IQCH: variants seen among roughly 807,000 people sequenced by gnomAD.
IQCH encodes IQ motif containing H.
Under a neutral mutation model 117.0 loss-of-function variants are expected in IQCH, and 98 were observed. The ratio of observed to expected loss-of-function variants is 0.84; its 90% confidence interval spans 0.71 to 0.99. The LOEUF (loss-of-function observed/expected upper bound fraction) is 0.99, where lower values mean the gene tolerates loss of function less well. Among genes scored for constraint, IQCH ranks in the 50% least tolerant of loss-of-function variants. The pLI is 0.00. For synonymous variants in IQCH, 412 were observed against 448.2 expected (o/e 0.92, Z 1.02); for missense variants, 1,102 against 1,243.8 (o/e 0.89, Z 1.72).
intron 8 of IQCH, among the ~76,000 whole-genome samples, chr15:67,363,610 A>T (rs1223511450): frequency 6.6e-6 from 1 of 152,128 alleles, no homozygotes; most frequent in Non-Finnish European, 1.5e-5. Flanking sequence ...ATAGGTATTA[A>T]TAAGCTGTGT....
At chr15:67,293,297 G>A (rs958438087) in intron 4 of IQCH, among the ~76,000 whole-genome samples, 2 of 152,064 alleles carry the variant, frequency 1.3e-5, no homozygotes, top group Non-Finnish European at 2.9e-5. Context: ...GTAGTCATTA[G>A]GAAAACAAAA....
intron 3 of IQCH, among the ~76,000 whole-genome samples, chr15:67,263,446 T>C (rs1965540701): frequency 6.6e-6 from 1 of 152,176 alleles, no homozygotes; most frequent in African/African-American, 2.4e-5. Context: ...CAACAGTAGA[T>C]ACATGGAACA....
At chr15:67,316,095 A>T (rs1967831592) in intron 4 of IQCH, among the ~76,000 whole-genome samples, 1 of 152,154 alleles carries the variant, frequency 6.6e-6, no homozygotes, top group Non-Finnish European at 1.5e-5. Flanking sequence ...AGATGTACTA[A>T]TACGTTATAT....
chr15:67,407,464 T>C lies in IQCH; in HGVS notation c.2097+7159T>C, dbSNP rs1220411790. The C allele has an allele frequency of 6.6e-6, 1 of 152,158 alleles. No individual in the cohort carries two copies. The highest frequency in any genetic ancestry group is 1.5e-5 in the Non-Finnish European group (1 of 68,038). 9.4% of individuals were successfully genotyped at this position (152,158 alleles called of 1,614,324 possible). A position where few individuals can be genotyped will look rare whatever the true frequency, so the allele number is the denominator to read the frequency against. ...TTTCATGAAGCTGCCAGGGTTGAGT[T>C]TGAGGTGTTTCTCTGTGCCTGAGGA... is the stretch of plus-strand genomic sequence containing the variant. On this transcript the variant is annotated intron_variant, in intron 14 of 20. Coordinates refer to ENST00000335894, the MANE Select transcript of IQCH (RefSeq NM_001031715.3). This position sits in a 1 kb window ranked among gnomAD's most constrained non-coding sequence, Gnocchi z 5.3.
At chr15:67,327,384 C>T (rs1242869034) in intron 4 of IQCH, among the ~76,000 whole-genome samples, 1 of 152,030 alleles carries the variant, frequency 6.6e-6, no homozygotes, top group African/African-American at 2.4e-5. Context: ...TATTTTGATA[C>T]TCCATGATTT....
intron 20 of IQCH, among the ~76,000 whole-genome samples, chr15:67,495,841 A>G (rs2083790298): frequency 6.6e-6 from 1 of 152,196 alleles, no homozygotes; most frequent in Admixed American, 6.5e-5. Flanking sequence ...ATTTTTACTC[A>G]TGTTAGGTCT....
intron 18 of IQCH, among the ~76,000 whole-genome samples, chr15:67,482,254 T>A (rs1373516818): frequency 2.6e-5 from 4 of 152,200 alleles, no homozygotes; most frequent in African/African-American, 9.7e-5. Context: ...TGGAAATGTC[T>A]GCCCAGTGGG....
At chr15:67,460,858 C>T (rs2082774343) in intron 16 of IQCH, among the ~76,000 whole-genome samples, 1 of 152,074 alleles carries the variant, frequency 6.6e-6, no homozygotes, top group African/African-American at 2.4e-5. Flanking sequence ...TGATATTTTT[C>T]CCCCACCCTC....
chr15:67,421,818 G>A (rs531137898), intron 16 of IQCH, among the ~76,000 whole-genome samples: 107 of 152,308 alleles, frequency 7.0e-4, no homozygotes, highest in African/African-American at 2.5e-3. Flanking sequence ...AGTGACTGAG[G>A]CCAGGCACAG....
Position 67,481,579 on chromosome 15 carries a change from A to G in IQCH, c.2799+5761A>G, listed in dbSNP as rs2083339210. ...CCATATCAAGTACATATTTGCATTC[A>G]GAGAGACTCTCTCAGGAAAAAGAGA... On this transcript the variant is annotated intron_variant, in intron 18 of 20. Coordinates refer to ENST00000335894, the MANE Select transcript of IQCH (RefSeq NM_001031715.3). This position sits in a 1 kb window ranked among gnomAD's most constrained non-coding sequence, Gnocchi z 4.1. Among the ~76,000 whole-genome samples the G allele has an allele frequency of 6.6e-6, 1 of 152,198 alleles. No homozygotes were observed. Among genetic ancestry groups the G allele is most frequent in the African/African-American group, 2.4e-5 (1 of 41,458 alleles).
In IQCH at chr15:67,376,994, G is replaced by T. The variant is rs922611702; in HGVS notation, c.1372+3561G>T. The stretch of plus-strand genomic sequence containing the variant: ...TAGCTGGGTGTGGTGGCACGCACCT[G>T]TAGTCCCAGCTACTCAGGAGGCTGA... On this transcript the variant is annotated intron_variant, in intron 10 of 20. Coordinates refer to ENST00000335894, the MANE Select transcript of IQCH (RefSeq NM_001031715.3). This position sits in a 1 kb window ranked among gnomAD's most constrained non-coding sequence, Gnocchi z 5.0. Among the ~76,000 whole-genome samples the T allele has an allele frequency of 3.3e-5, 5 of 151,834 alleles. No individual in the cohort carries two copies. The highest frequency in any genetic ancestry group is 2.6e-4 in the Admixed American group (4 of 15,230).
intron 16 of IQCH, among the ~76,000 whole-genome samples, chr15:67,446,936 G>C (rs911707511): frequency 6.6e-6 from 1 of 152,156 alleles, no homozygotes; most frequent in African/African-American, 2.4e-5. Context: ...GGCAATTGGG[G>C]GAGCTTCTTG....
In IQCH at chr15:67,393,157, G is replaced by T. The variant is rs962903262; in HGVS notation, c.1633-2134G>T. On this transcript the variant is annotated intron_variant, in intron 12 of 20. Coordinates refer to ENST00000335894, the MANE Select transcript of IQCH (RefSeq NM_001031715.3). The surrounding 1 kb of genome is among the most constrained non-coding windows in gnomAD (Gnocchi z 5.5). ...GGGAAAGTTATTTCAGAGCTGAAAG[G>T]ACCCTAGAGACTTCTAATCCAACCC... Among the ~76,000 whole-genome samples the T allele has an allele frequency of 3.9e-5, 6 of 152,140 alleles. No individual in the cohort carries two copies. The highest frequency in any genetic ancestry group is 1.3e-4 in the Admixed American group (2 of 15,274).
At chr15:67,412,568 T>G (rs1478087416) in intron 14 of IQCH, among the ~76,000 whole-genome samples, 9 of 152,056 alleles carry the variant, frequency 5.9e-5, no homozygotes, top group Admixed American at 5.9e-4. Context: ...CCGGCTAATT[T>G]TTGTATTTTT....
chr15:67,372,089 A>G (rs771006971), intron 8 of IQCH, 22 bp from the exon 9 acceptor site: 2 of 1,570,958 alleles, frequency 1.3e-6, no homozygotes, highest in East Asian at 2.2e-5. Flanking sequence ...CACTTCTAAA[A>G]TATATTTCTT....
At chr15:67,353,020 C>T (rs1369434675) in intron 6 of IQCH, among the ~76,000 whole-genome samples, 1 of 151,962 alleles carries the variant, frequency 6.6e-6, no homozygotes, top group Non-Finnish European at 1.5e-5. Context: ...GTGGTGCGCA[C>T]CTGTAATCTC....
At chr15:67,410,296 T>C in intron 14 of IQCH, among the ~76,000 whole-genome samples, 1 of 152,250 alleles carries the variant, frequency 6.6e-6, no homozygotes. Context: ...GAATTTATTA[T>C]GTCAGCTAAC....
intron 2 of IQCH, among the ~76,000 whole-genome samples, chr15:67,261,992 G>C (rs1229177146): frequency 6.6e-6 from 1 of 152,130 alleles, no homozygotes; most frequent in Non-Finnish European, 1.5e-5. Flanking sequence ...AGGAGGCTGA[G>C]GTGGGAGGAT....
chr15:67,298,088 C>G (rs1966869402), intron 4 of IQCH, among the ~76,000 whole-genome samples: 1 of 152,012 alleles, frequency 6.6e-6, no homozygotes, highest in African/African-American at 2.4e-5. Context: ...GCGGGTGGAT[C>G]TTCTGAGGTC....
Sources: allele counts gnomAD v4.1 joint callset (sites outside exome capture counted in the v4.1 genomes callset), GRCh38; gene constraint gnomAD v4.1.1; non-coding constraint Gnocchi (gnomAD v3.1); transcripts MANE v1.5; gene names NCBI Gene and HGNC (gene_info 2026-07-23, HGNC 2026-07-21).